The following DENND5B variants were observed in gnomAD, a reference collection of about 807,000 sequenced individuals.
DENND5B encodes DENN domain-containing protein 5B.
DENND5B carries 34 observed loss-of-function variants against 140.6 expected under a neutral mutation model. The ratio of observed to expected loss-of-function variants is 0.24; its 90% CI spans 0.18 to 0.32. The LOEUF (loss-of-function observed/expected upper bound fraction) is 0.32. Ranked by LOEUF, DENND5B falls within the 10% of genes least tolerant of loss-of-function variation. The pLI, the probability that DENND5B is intolerant of heterozygous loss-of-function variation, is 1.00. For missense variants in DENND5B, 1,142 were observed against 1,560.2 expected, an observed-to-expected ratio of 0.73 and a Z score of 4.52; for synonymous variants, 551 against 562.1, an observed-to-expected ratio of 0.98 and a Z score of 0.28.
Position 31,491,426 on chromosome 12 carries a change from G to A in DENND5B, c.237+4384C>T, listed in dbSNP as rs571487668. Among the ~76,000 whole-genome samples the A allele has an allele frequency of 1.2e-4, 19 of 152,258 alleles. No individual in the cohort carries two copies. In the South Asian group the frequency reaches 1.7e-3, roughly 13 times the overall value. On this transcript the variant is annotated intron_variant, in intron 2 of 20. Coordinates refer to ENST00000389082, the MANE Select transcript of DENND5B (RefSeq NM_144973.4). ...CCAAGATTGCACCACTGAACTGCCA[G>A]GGTGACAGAGTGAGACTGTCTCAAA...
In DENND5B at chr12:31,387,555, A is replaced by G; in HGVS notation, c.*48T>C. The G allele has an allele frequency of 1.9e-6, 3 of 1,580,302 alleles. No individual in the cohort carries two copies. The highest frequency in any genetic ancestry group is 2.6e-6 in the Non-Finnish European group (3 of 1,158,190). ...TCAGACAAGTCCAAATCGGTCCCCT[A>G]GTTGGGGAAGGAGCAAGGTTTGGAC... On this transcript the variant is annotated 3_prime_UTR_variant, in exon 21 of 21. Transcript: ENST00000389082.
intron 1 of DENND5B, among the ~76,000 whole-genome samples, chr12:31,543,921 C>T (rs544583995): frequency 9.2e-5 from 14 of 152,184 alleles, no homozygotes; most frequent in Non-Finnish European, 1.5e-4. Context: ...GTAATTCCAG[C>T]ACTTTGGGAG....
chr12:31,501,558 G>A (rs1947002323), intron 1 of DENND5B, among the ~76,000 whole-genome samples: 1 of 152,122 alleles, frequency 6.6e-6, no homozygotes, highest in African/African-American at 2.4e-5. Context: ...CGGATCACCT[G>A]AGGTCAGGAG....
intron 1 of DENND5B, among the ~76,000 whole-genome samples, chr12:31,574,297 T>TAATAATAATAATTA (rs1592078386): frequency 6.8e-6 from 1 of 147,490 alleles, no homozygotes; most frequent in Non-Finnish European, 1.5e-5. Flanking sequence ...ATAATAATAA[T>TAATAATAATAATTA]TTAAAAGGGA....
rs569043998 is a variant in DENND5B at position 31,510,803 on chromosome 12, A to G, written c.128-14884T>C. Among the ~76,000 whole-genome samples, 256 of 152,236 alleles carry G rather than the reference A, an allele frequency of 1.7e-3. 3 individuals carry two copies. Among genetic ancestry groups the G allele is most frequent in the African/African-American group, 5.9e-3 (247 of 41,530 alleles). ...TTAGTCACCTTAATTAAATCTGTAA[A>G]ATTCCTTAACAGCAGAACCTAGACT... On this transcript the variant is annotated intron_variant, in intron 1 of 20. Coordinates refer to ENST00000389082, the MANE Select transcript of DENND5B (RefSeq NM_144973.4).
intron 4 of DENND5B, among the ~76,000 whole-genome samples, chr12:31,452,768 CCT>C (rs1209600990): frequency 1.3e-5 from 2 of 152,070 alleles, no homozygotes; most frequent in African/African-American, 4.8e-5. Flanking sequence ...TTAAAAATAA[CCT>C]CTTTTTCCAT....
intron 1 of DENND5B, among the ~76,000 whole-genome samples, chr12:31,520,941 C>T (rs1259430): frequency 0.8 from 120,987 of 152,098 alleles, 48,559 homozygotes; most frequent in African/African-American, 0.89. Context: ...ATGTAATAAA[C>T]ATACAAAAAT....
chr12:31,505,012 A>T (rs1352327175), intron 1 of DENND5B, among the ~76,000 whole-genome samples: 1 of 152,182 alleles, frequency 6.6e-6, no homozygotes, highest in Non-Finnish European at 1.5e-5. Flanking sequence ...AACGTGAATG[A>T]GAAAAACTTT....
chr12:31,536,674 T>C (rs1948505545), intron 1 of DENND5B, among the ~76,000 whole-genome samples: 1 of 152,062 alleles, frequency 6.6e-6, no homozygotes, highest in East Asian at 1.9e-4. Flanking sequence ...AAAAAGTTTA[T>C]TCAAAGAAAT....
At position 31,469,990 on chromosome 12, in the gene DENND5B, C is replaced by T. The variant is rs954335700; in HGVS notation, c.904+9599G>A. 3.3e-5 allele frequency among the ~76,000 whole-genome samples: 5 copies of T among 151,924 alleles called. No homozygotes were observed. In the East Asian group the frequency reaches 5.8e-4, roughly 18 times the overall value. On this transcript the variant is annotated intron_variant, in intron 3 of 20. Coordinates refer to ENST00000389082, the MANE Select transcript of DENND5B (RefSeq NM_144973.4). Reference sequence around the variant, plus strand: ...TTTGAGACAGGGTCTCGCTCTGTCACGAGGCTGTAGTGCAGTGACATAATA... The same window carrying T: ...TTTGAGACAGGGTCTCGCTCTGTCATGAGGCTGTAGTGCAGTGACATAATA...
intron 2 of DENND5B, among the ~76,000 whole-genome samples, chr12:31,485,943 T>C (rs1323117570): frequency 3.3e-5 from 5 of 152,194 alleles, no homozygotes; most frequent in Non-Finnish European, 7.3e-5. Flanking sequence ...ATTTCAGTCC[T>C]CAGACTTCAA....
At chr12:31,486,062 G>A (rs1028870963) in intron 2 of DENND5B, among the ~76,000 whole-genome samples, 1 of 152,216 alleles carries the variant, frequency 6.6e-6, no homozygotes, top group Non-Finnish European at 1.5e-5. Context: ...TCAAGGGTCA[G>A]CAAACAACAG....
Position 31,534,806 on chromosome 12 carries a change from T to C in DENND5B, c.128-38887A>G, listed in dbSNP as rs185688907. On this transcript the variant is annotated intron_variant, in intron 1 of 20. Transcript: ENST00000389082. ...CCTGGCAATATCAAATGCCGTTTCT[T>C]TGAAGTTGTTTTTCAGCCCTGGTTT... 1,242 of 451,322 alleles carry C rather than the reference T, an allele frequency of 2.8e-3. 3 individuals are homozygous for C. Among genetic ancestry groups the C allele is most frequent in the Non-Finnish European group, 3.7e-3 (832 of 227,344 alleles). The allele number at this position is 451,322 out of a possible 1,614,324, so 28.0% of individuals were successfully genotyped here.
At chr12:31,401,004 G>C (rs547240278) in intron 15 of DENND5B, among the ~76,000 whole-genome samples, 2 of 151,906 alleles carry the variant, frequency 1.3e-5, no homozygotes, top group Non-Finnish European at 2.9e-5. Context: ...CACCATGCCC[G>C]GCTAATTTTT....
chr12:31,476,780 C>T (rs1250380346), intron 3 of DENND5B, among the ~76,000 whole-genome samples: 1 of 152,176 alleles, frequency 6.6e-6, no homozygotes, highest in South Asian at 2.1e-4. Context: ...CACAGTGAGA[C>T]CCCATCTCTA....
At position 31,413,514 on chromosome 12, in the gene DENND5B, G is replaced by A; in HGVS notation, c.2603C>T (p.Ala868Val). Residue 868 changes from alanine to valine, a missense_variant, in exon 13 of 21, where the codon GCG becomes GTG. Ala to Val is a moderately conservative substitution (Grantham distance 64). Around this residue, in one of 5 missense-constraint regions of DENND5B, gnomAD observed 268 missense variants for 349.2 expected, o/e 0.77. Coordinates refer to ENST00000389082, the MANE Select transcript of DENND5B (RefSeq NM_144973.4). Reference sequence around the variant, plus strand: ...CTTTTCTAGAGACAGTCTTATCCACGCCCGAGCTCGTCCAACATCAGTCTT... The same window carrying A: ...CTTTTCTAGAGACAGTCTTATCCACACCCGAGCTCGTCCAACATCAGTCTT... ...EIKTDVGRARAWIRLSLEKKL... is the reference protein window; with the variant it reads ...EIKTDVGRARVWIRLSLEKKL... 6.2e-6 allele frequency: 10 copies of A among 1,613,816 alleles called. No homozygotes were observed. Among genetic ancestry groups the A allele is most frequent in the Non-Finnish European group, 7.6e-6 (9 of 1,179,802 alleles).
chr12:31,418,164 T>C (rs1408560873), intron 11 of DENND5B, among the ~76,000 whole-genome samples: 4 of 152,106 alleles, frequency 2.6e-5, no homozygotes, highest in Admixed American at 2.6e-4. Flanking sequence ...GGAGTTTCAA[T>C]GGGGCACTAG....
chr12:31,529,453 T>C lies in DENND5B; in HGVS notation c.128-33534A>G, dbSNP rs147313238. 4.1e-3 allele frequency among the ~76,000 whole-genome samples: 618 copies of C among 152,258 alleles called. 5 individuals are homozygous for C. The highest frequency in any genetic ancestry group is 0.014 in the African/African-American group (576 of 41,558). ...AATGGCAGGTCCAGGATCCCTGAGA[T>C]AGGAAACTTAGAACCAATATTCCAC... On this transcript the variant is annotated intron_variant, in intron 1 of 20. Coordinates refer to ENST00000389082, the MANE Select transcript of DENND5B (RefSeq NM_144973.4).
At chr12:31,430,602 A>C (rs1376346118) in intron 8 of DENND5B, among the ~76,000 whole-genome samples, 1 of 151,622 alleles carries the variant, frequency 6.6e-6, no homozygotes, top group Non-Finnish European at 1.5e-5. Flanking sequence ...TGGAGGTTGC[A>C]GTGAGCCAAG....
Sources: allele counts gnomAD v4.1 joint callset (sites outside exome capture counted in the v4.1 genomes callset), GRCh38; gene constraint gnomAD v4.1.1; regional missense constraint gnomAD v4.1.1; transcripts MANE v1.5; gene names NCBI Gene and HGNC (gene_info 2026-07-23, HGNC 2026-07-21).